Variants in FASN observed in about 807,000 individuals in gnomAD.
FASN encodes the protein fatty acid synthase.
FASN carries 50 observed loss-of-function variants against 250.0 expected under a neutral mutation model. The observed-to-expected ratio is 0.20, with a 90% CI of 0.16 to 0.25. FASN has a LOEUF of 0.25. Ranked by LOEUF, FASN falls within the 10% of genes least tolerant of loss-of-function variation. The pLI is 1.00. For missense variants in FASN, 3,031 were observed against 3,498.5 expected (o/e 0.87, Z 3.37); for synonymous variants, 1,909 against 1,584.0 (o/e 1.21, Z -4.87).
At position 82,090,442 on chromosome 17, in the gene FASN, G is replaced by A. The variant is rs776075075; in HGVS notation, c.1803C>T (p.Leu601=). The stretch of plus-strand genomic sequence containing the variant: ...TGCACTGTCCCCTCCAGTAGGCAGC[G>A]AGGACGGCCTCCTCCTGGGACAGGC... ...DGCLSQEEAV[L]AAYWRGQCIK... is the part of the protein sequence containing the mutation. The change falls in exon 11 of 43, where the codon CTC becomes CTT. Residue 601 remains leucine (L), a synonymous_variant. Coordinates refer to ENST00000306749, the MANE Select transcript of FASN (RefSeq NM_004104.5). The A allele has an allele frequency of 2.6e-5, 41 of 1,604,894 alleles. 1 individual carries two copies. The highest frequency in any genetic ancestry group is 2.3e-4 in the South Asian group (21 of 89,634).
chr17:82,085,743 C>T lies in FASN; in HGVS notation c.3861G>A (p.Leu1287=). Residue 1287 remains leucine (L), a synonymous_variant, in exon 23 of 43, where the codon CTG becomes CTA. Coordinates refer to ENST00000306749, the MANE Select transcript of FASN (RefSeq NM_004104.5). Reference sequence around the variant, plus strand: ...GGCCCTGGGCAACGTCGTGCTGCTGCAGCTCGGCCTGGGCAGCCTCCAGGG... The same window carrying T: ...GGCCCTGGGCAACGTCGTGCTGCTGTAGCTCGGCCTGGGCAGCCTCCAGGG... ...PQALEAAQAE[L]QQHDVAQGQW... is the part of the protein sequence containing the mutation. The T allele has an allele frequency of 6.4e-7, 1 of 1,564,746 alleles. No individual in the cohort carries two copies.
At chr17:82,081,870 A>C in intron 36 of FASN, 27 bp from the exon 37 acceptor site, 1 of 1,469,756 alleles carries the variant, frequency 6.8e-7, no homozygotes, top group Non-Finnish European at 9.1e-7. Flanking sequence ...AGGTGGGCAG[A>C]GCTGCGGGGA....
Position 82,080,586 on chromosome 17 carries a change from C to T in FASN, c.6831G>A (p.Ala2277=), listed in dbSNP as rs1331907634. Residue 2277 remains alanine (A), a synonymous_variant, in exon 40 of 43, where the codon GCG becomes GCA. Transcript: ENST00000306749. Reference sequence around the variant, plus strand: ...CCAGGCTGTGGATGCTGTCAAGGGGCGCAGCTGCAATGGCAGTGCCGGGCA... The same window carrying T: ...CCAGGCTGTGGATGCTGTCAAGGGGTGCAGCTGCAATGGCAGTGCCGGGCA... ...PTYGLQCTRA[A]PLDSIHSLAA... The T allele has an allele frequency of 8.4e-6, 13 of 1,554,920 alleles. No homozygotes were observed. The highest frequency in any genetic ancestry group is 2.4e-5 in the East Asian group (1 of 41,362).
Position 82,095,361 on chromosome 17 carries a change from C to T in FASN, c.239G>A (p.Arg80Gln), listed in dbSNP as rs1473135001. 6.2e-7 allele frequency: 1 copy of T among 1,612,964 alleles called. No individual in the cohort carries two copies. The change falls in exon 3 of 43, where the codon CGG becomes CAG. Residue 80 changes from arginine to glutamine, a missense_variant. Transcript: ENST00000306749. ...TTCATAGGTGACTTCCAGCAGCAGC[C>T]GCAGCTGAGGGTCCATCGTGTGTGC... Reference protein sequence around the residue: ...KQAHTMDPQLRLLLEVTYEAI... With the variant: ...KQAHTMDPQLQLLLEVTYEAI...
In FASN at chr17:82,081,794, C is replaced by G; in HGVS notation, c.6213G>C (p.Glu2071Asp). Residue 2071 changes from glutamate (E) to aspartate (D), a missense_variant, in exon 37 of 43, where the codon GAG (glutamate) becomes GAC (aspartate). Coordinates refer to ENST00000306749, the MANE Select transcript of FASN (RefSeq NM_004104.5). ...CGATCGTGTCGTTGGTGCTCATCGTCTCCACCAAAATGCCCACGTCGCCGA... is the reference window on the plus strand; with the variant it reads ...CGATCGTGTCGTTGGTGCTCATCGTGTCCACCAAAATGCCCACGTCGCCGA... ...GAIGDVGILV[E>D]TMSTNDTIVS... 6.2e-7 allele frequency: 1 copy of G among 1,612,320 alleles called. No homozygotes were observed. The highest frequency in any genetic ancestry group is 1.3e-5 in the African/African-American group (1 of 75,008).
chr17:82,086,992 G>T, intron 21 of FASN, 58 bp downstream of exon 21: 1 of 1,572,470 alleles, frequency 6.4e-7, no homozygotes, highest in Non-Finnish European at 8.7e-7. Context: ...CAACGTGAGG[G>T]GAGGCGATCG....
In FASN at chr17:82,080,786, C is replaced by G. The variant is rs751640506; in HGVS notation, c.6732G>C (p.Leu2244=). Residue 2244 remains leucine (L), a synonymous_variant, in exon 39 of 43, where the codon CTG becomes CTC. Transcript: ENST00000306749. ...LNSVQSSERP[L]FLVHPIEGST... ...AGCCCTCGATTGGGTGCACCAGGAACAGGGGCCGCTCCGAGCTCTGCACGG... is the reference window on the plus strand; with the variant it reads ...AGCCCTCGATTGGGTGCACCAGGAAGAGGGGCCGCTCCGAGCTCTGCACGG... 1.2e-6 allele frequency: 2 copies of G among 1,605,272 alleles called. No individual in the cohort carries two copies. Among genetic ancestry groups the G allele is most frequent in the African/African-American group, 1.3e-5 (1 of 74,788 alleles).
At chr17:82,094,470 C>T (rs4969466) in intron 3 of FASN, among the ~76,000 whole-genome samples, 6,324 of 151,830 alleles carry the variant, frequency 0.042, 168 homozygotes, top group South Asian at 0.075. Flanking sequence ...GGTCCTTCTC[C>T]GCCCGGGGAG....
intron 18 of FASN, 30 bp from the exon 19 acceptor site, chr17:82,087,891 A>C: frequency 6.2e-7 from 1 of 1,612,398 alleles, no homozygotes; most frequent in Non-Finnish European, 8.5e-7. Flanking sequence ...GAAGGGCCTG[A>C]GGACGGGCGG....
At position 82,082,580 on chromosome 17, in the gene FASN, T is replaced by C; in HGVS notation, c.5866A>G (p.Ile1956Val). ...ISSLEGARGL[I>V]AEAAQLGPVG... ...GGCCCAAGCTGCGCCGCCTCGGCAA[T>C]GAGGCCCCGGGCCCCCTCCAGTGAG... The change falls in exon 34 of 43, where the codon ATT becomes GTT. Residue 1956 changes from isoleucine to valine, a missense_variant. By Grantham distance (29) the Ile-to-Val change is conservative. Transcript: ENST00000306749. 6.2e-7 allele frequency: 1 copy of C among 1,609,844 alleles called. No individual in the cohort carries two copies.
At position 82,087,377 on chromosome 17, in the gene FASN, G is replaced by C. The variant is rs774625097; in HGVS notation, c.3171C>G (p.Ile1057Met). The C allele has an allele frequency of 2.2e-5, 35 of 1,612,512 alleles. No individual in the cohort carries two copies. The highest frequency in any genetic ancestry group is 1.8e-5 in the Non-Finnish European group (21 of 1,179,988). Residue 1057 changes from isoleucine (I) to methionine (M), a missense_variant, in exon 20 of 43, where the codon ATC becomes ATG. Coordinates refer to ENST00000306749, the MANE Select transcript of FASN (RefSeq NM_004104.5). ...GCTTCTGCCTGTGGGTGGCAGGGTC[G>C]ATGTGGATGGCGGTGACACGGGTGG... is the stretch of plus-strand genomic sequence containing the variant. The part of the protein sequence containing the change: ...YLPTRVTAIH[I>M]DPATHRQKLY...
At chr17:82,082,240 G>A (rs2034002509) in intron 35 of FASN, 80 bp from the exon 36 acceptor site, 2 of 1,602,914 alleles carry the variant, frequency 1.2e-6, no homozygotes, top group East Asian at 2.2e-5. Context: ...ACGCCAGAGA[G>A]GGCTGTCAAC....
chr17:82,087,103 T>A lies in FASN; in HGVS notation c.3374A>T (p.Glu1125Val). The change falls in exon 21 of 43, where the codon GAG becomes GTG. Residue 1125 changes from glutamate (E) to valine (V), a missense_variant. Physicochemically the swap from Glu to Val is moderately radical, Grantham distance 121. Coordinates refer to ENST00000306749, the MANE Select transcript of FASN (RefSeq NM_004104.5). ...GGCAGCGCGCTCAGACAGGCACCCC[T>A]CCTCCGTGTGGGGAGTGAAGCAAAA... ...EKFCFTPHTE[E>V]GCLSERAALQ... 1 of 1,611,930 alleles carries A rather than the reference T, an allele frequency of 6.2e-7. No homozygotes were observed. Among genetic ancestry groups the A allele is most frequent in the Non-Finnish European group, 8.5e-7 (1 of 1,179,910 alleles).
rs1397871675 is a variant in FASN at position 82,092,788 on chromosome 17, A to G, written c.803T>C (p.Ile268Thr). Residue 268 changes from isoleucine (I) to threonine (T), a missense_variant, in exon 7 of 43, where the codon ATC (isoleucine) becomes ACC (threonine). Physicochemically the swap from Ile to Thr is moderately conservative, Grantham distance 89. Transcript: ENST00000306749. ...CAACGAGCGGATGAGCTGCTCCTGG[A>G]TATCCCCTGAGGGGAAGGTCACGCC... ...EQGVTFPSGD[I>T]QEQLIRSLYQ... The G allele has an allele frequency of 6.2e-7, 1 of 1,602,840 alleles. No individual in the cohort carries two copies. Among genetic ancestry groups the G allele is most frequent in the Admixed American group, 1.7e-5 (1 of 59,130 alleles).
rs199746221 is a variant in FASN at position 82,091,019 on chromosome 17, G to A, written c.1543C>T (p.Arg515Cys). The A allele has an allele frequency of 6.5e-5, 105 of 1,612,752 alleles. No homozygotes were observed. Among genetic ancestry groups the A allele is most frequent in the Middle Eastern group, 1.6e-4 (1 of 6,062 alleles). ...GAGCGTAGGATGGAATCTCGGAAGC[G>A]GTCCAGGCGCATGAGGCTCAGCCCC... ...GMGLSLMRLDRFRDSILRSDE... is the reference protein window; with the variant it reads ...GMGLSLMRLDCFRDSILRSDE... The change falls in exon 10 of 43, where the codon CGC becomes TGC. Residue 515 changes from arginine (R) to cysteine (C), a missense_variant. Physicochemically the swap from Arg to Cys is radical, Grantham distance 180 (BLOSUM62 -3). Coordinates refer to ENST00000306749, the MANE Select transcript of FASN (RefSeq NM_004104.5).
rs766994323 is a variant in FASN, at chr17:82,083,079, C to A, written c.5602G>T (p.Ala1868Ser). 24 of 1,611,212 alleles carry A rather than the reference C, an allele frequency of 1.5e-5. No individual in the cohort carries two copies. The highest frequency in any genetic ancestry group is 1.6e-4 in the Middle Eastern group (1 of 6,084). ...AEEPEAVLKG[A>S]KPKLMSAISK... ...ATGGCCGACATCAGCTTGGGTTTGG[C>A]CCCCTTCAGCACTGCCTCCGGCTCC... is the stretch of plus-strand genomic sequence containing the variant. Residue 1868 changes from alanine to serine, a missense_variant, in exon 33 of 43, where the codon GCC becomes TCC. Physicochemically the swap from Ala to Ser is moderately conservative, Grantham distance 99. Coordinates refer to ENST00000306749, the MANE Select transcript of FASN (RefSeq NM_004104.5).
At chr17:82,086,649 C>A (rs1027662775) in intron 21 of FASN, 91 bp from the exon 22 acceptor site, 2 of 951,136 alleles carry the variant, frequency 2.1e-6, no homozygotes, top group Non-Finnish European at 3.3e-6. Flanking sequence ...CCTTCTGGGG[C>A]CACCACCCCG....
chr17:82,086,604 C>T (rs756360760), intron 21 of FASN, 46 bp from the exon 22 acceptor site: 4 of 1,453,362 alleles, frequency 2.8e-6, no homozygotes, highest in South Asian at 2.3e-5. Context: ...AGCCCCAGGG[C>T]ATCTGCCTGG....
At chr17:82,086,702 G>A in intron 21 of FASN, 144 bp from the exon 22 acceptor site, 1 of 732,406 alleles carries the variant, frequency 1.4e-6, no homozygotes, top group Non-Finnish European at 2.4e-6. Flanking sequence ...TGAGGAAGGG[G>A]CTGCCCACCA....
Sources: gnomAD v4.1 joint callset for allele counts (sites outside exome capture counted in the v4.1 genomes callset) on GRCh38, gnomAD v4.1.1 for gene constraint, MANE v1.5 for transcripts, NCBI Gene and HGNC (gene_info 2026-07-23, HGNC 2026-07-21) for gene names.